Variants in ADAMTS18 observed in about 807,000 individuals in gnomAD.
ADAMTS18 encodes A disintegrin and metalloproteinase with thrombospondin motifs 18.
ADAMTS18 carries 157 observed loss-of-function variants against 165.9 expected under a neutral mutation model. The ratio of observed to expected loss-of-function variants is 0.95; its 90% CI spans 0.83 to 1.08. The LOEUF (loss-of-function observed/expected upper bound fraction) is 1.08. ADAMTS18 is among the 50% of genes least tolerant of loss of function. The probability of loss-of-function intolerance (pLI) is 0.00; values close to 1 mark genes in which losing one functional copy is unlikely to be tolerated. For synonymous variants in ADAMTS18, 782 were observed against 578.2 expected (o/e 1.35, Z -5.06); for missense variants, 2,040 against 1,534.0 (o/e 1.33, Z -5.51).
chr16:77,432,279 A>C (rs1028180574), intron 2 of ADAMTS18: 1 of 152,752 alleles, frequency 6.5e-6, no homozygotes, highest in Non-Finnish European at 1.5e-5. Flanking sequence ...TGTAAGCATA[A>C]AATACAGTGC....
chr16:77,392,874 T>C (rs2057207447), intron 3 of ADAMTS18, among the ~76,000 whole-genome samples: 1 of 152,168 alleles, frequency 6.6e-6, no homozygotes, highest in Non-Finnish European at 1.5e-5. Flanking sequence ...AAGGCGTAAA[T>C]GGCATCTATT....
intron 20 of ADAMTS18, among the ~76,000 whole-genome samples, chr16:77,292,644 C>T (rs1003538394): frequency 7.2e-5 from 11 of 152,196 alleles, no homozygotes; most frequent in African/African-American, 2.2e-4. Context: ...TGAAGTCTTG[C>T]GCCCCTACTG....
chr16:77,381,751 G>C (rs570086550), intron 3 of ADAMTS18, among the ~76,000 whole-genome samples: 56 of 152,290 alleles, frequency 3.7e-4, no homozygotes, highest in African/African-American at 1.3e-3. Flanking sequence ...GCAGTGAGCC[G>C]AGATCATGCC....
intron 3 of ADAMTS18, among the ~76,000 whole-genome samples, chr16:77,374,338 T>C (rs1389379579): frequency 1.3e-5 from 2 of 152,114 alleles, no homozygotes; most frequent in Non-Finnish European, 2.9e-5. Flanking sequence ...ATTTCAAGAC[T>C]ATAATGCACA....
chr16:77,397,663 T>A (rs946517878), intron 3 of ADAMTS18, among the ~76,000 whole-genome samples: 3 of 152,226 alleles, frequency 2.0e-5, no homozygotes, highest in Non-Finnish European at 4.4e-5. Context: ...ATATTTAGGA[T>A]GATTGCAAAC....
At chr16:77,331,100 C>A (rs532607528) in intron 12 of ADAMTS18, among the ~76,000 whole-genome samples, 1 of 152,114 alleles carries the variant, frequency 6.6e-6, no homozygotes, top group Non-Finnish European at 1.5e-5. Context: ...GATAAAACTG[C>A]ACTGAATGAA....
intron 16 of ADAMTS18, among the ~76,000 whole-genome samples, chr16:77,311,801 T>C (rs2055786319): frequency 6.6e-6 from 1 of 152,020 alleles, no homozygotes; most frequent in African/African-American, 2.4e-5. Flanking sequence ...CATACAAGTT[T>C]CCATTTAGAT....
chr16:77,310,521 A>G (rs1204260713), intron 16 of ADAMTS18, among the ~76,000 whole-genome samples: 2 of 151,232 alleles, frequency 1.3e-5, no homozygotes, highest in Non-Finnish European at 2.9e-5. Context: ...CTTCTTGTCT[A>G]ACCCATGTTG....
chr16:77,343,220 C>T (rs949608116), intron 10 of ADAMTS18, among the ~76,000 whole-genome samples: 3 of 152,180 alleles, frequency 2.0e-5, no homozygotes, highest in East Asian at 1.9e-4. Flanking sequence ...ATTACAAGCA[C>T]GCACCACCAT....
intron 3 of ADAMTS18, among the ~76,000 whole-genome samples, chr16:77,384,314 C>T (rs768402271): frequency 2.0e-5 from 3 of 152,168 alleles, no homozygotes; most frequent in Admixed American, 6.5e-5. Context: ...ACAGCCCCCT[C>T]GTAGGCTTCC....
chr16:77,377,053 G>A (rs974528556), intron 3 of ADAMTS18, among the ~76,000 whole-genome samples: 1 of 152,128 alleles, frequency 6.6e-6, no homozygotes, highest in Non-Finnish European at 1.5e-5. Flanking sequence ...GACTTCAAGT[G>A]ATCCATCTGC....
At chr16:77,365,868 T>G (rs1405905958) in intron 4 of ADAMTS18, among the ~76,000 whole-genome samples, 1 of 152,246 alleles carries the variant, frequency 6.6e-6, no homozygotes, top group Non-Finnish European at 1.5e-5. Flanking sequence ...ATGAGCACAG[T>G]GACGTTGAGC....
At chr16:77,386,741 T>A (rs2057113330) in intron 3 of ADAMTS18, among the ~76,000 whole-genome samples, 1 of 152,192 alleles carries the variant, frequency 6.6e-6, no homozygotes, top group South Asian at 2.1e-4. Context: ...AGCTGTCAGA[T>A]CACCTATCAC....
At chr16:77,334,159 CAG>C (rs2056243544) in intron 12 of ADAMTS18, among the ~76,000 whole-genome samples, 1 of 51,376 alleles carries the variant, frequency 1.9e-5, no homozygotes, top group Non-Finnish European at 3.5e-5. Flanking sequence ...ATATAATATA[CAG>C]TGTTATATAT....
intron 10 of ADAMTS18, among the ~76,000 whole-genome samples, chr16:77,346,113 A>C (rs1349511116): frequency 2.0e-5 from 3 of 152,066 alleles, no homozygotes; most frequent in Admixed American, 1.3e-4. Flanking sequence ...TACCTCCTTC[A>C]AGTCTTTGCC....
At chr16:77,390,340 G>C (rs1354159051) in intron 3 of ADAMTS18, among the ~76,000 whole-genome samples, 1 of 152,124 alleles carries the variant, frequency 6.6e-6, no homozygotes, top group Non-Finnish European at 1.5e-5. Flanking sequence ...CTTTTTTGCA[G>C]GTAACTGTGT....
At chr16:77,310,487 A>G (rs998849146) in intron 16 of ADAMTS18, among the ~76,000 whole-genome samples, 1 of 152,168 alleles carries the variant, frequency 6.6e-6, no homozygotes, top group Non-Finnish European at 1.5e-5. Flanking sequence ...AGAGCAACCT[A>G]TATCCCAGCT....
chr16:77,310,472 G>A (rs1372762353), intron 16 of ADAMTS18, among the ~76,000 whole-genome samples: 1 of 152,154 alleles, frequency 6.6e-6, no homozygotes, highest in Non-Finnish European at 1.5e-5. Context: ...CACATAGTTT[G>A]TAGCAGAGCA....
At chr16:77,300,618 A>T (rs1232410237) in intron 16 of ADAMTS18, among the ~76,000 whole-genome samples, 1 of 152,190 alleles carries the variant, frequency 6.6e-6, no homozygotes, top group Non-Finnish European at 1.5e-5. Flanking sequence ...TGATTTAGGT[A>T]GATGCTAAAG....
Sources: allele counts gnomAD v4.1 joint callset (sites outside exome capture counted in the v4.1 genomes callset), GRCh38; gene constraint gnomAD v4.1.1; transcripts MANE v1.5; gene names NCBI Gene and HGNC (gene_info 2026-07-23, HGNC 2026-07-21).